The following MACROD2 variants were observed in gnomAD, a reference collection of about 807,000 sequenced individuals.
MACROD2 encodes the protein ADP-ribose glycohydrolase MACROD2.
Under a neutral mutation model 70.4 loss-of-function variants are expected in MACROD2, and 36 were observed. That is an observed-to-expected ratio of 0.51 (90% CI 0.39 to 0.68). The LOEUF is 0.68. MACROD2 is among the 30% of genes least tolerant of loss of function. The pLI, the probability that MACROD2 is intolerant of heterozygous loss-of-function variation, is 0.00. For missense variants in MACROD2, 496 were observed against 538.4 expected (o/e 0.92, Z 0.78); for synonymous variants, 172 against 178.8 (o/e 0.96, Z 0.30).
chr20:15,854,545 T>C (rs1369118395), intron 8 of MACROD2, among the ~76,000 whole-genome samples: 2 of 152,156 alleles, frequency 1.3e-5, no homozygotes, highest in African/African-American at 2.4e-5. Context: ...CCCAACTAGG[T>C]TGGGCCTGGA....
chr20:14,864,411 A>T (rs1452839784), intron 5 of MACROD2, among the ~76,000 whole-genome samples: 1 of 152,144 alleles, frequency 6.6e-6, no homozygotes, highest in Non-Finnish European at 1.5e-5. Flanking sequence ...ATATGGATTT[A>T]TAAATCAGTA....
intron 3 of MACROD2, among the ~76,000 whole-genome samples, chr20:14,141,428 A>T (rs926163979): frequency 6.6e-6 from 1 of 152,102 alleles, no homozygotes; most frequent in African/African-American, 2.4e-5. Flanking sequence ...AAGGAGATAC[A>T]CCTATAATGC....
chr20:14,713,546 G>A (rs746648954), intron 5 of MACROD2, among the ~76,000 whole-genome samples: 21 of 152,100 alleles, frequency 1.4e-4, no homozygotes, highest in Non-Finnish European at 2.5e-4. Flanking sequence ...AATAGATTAG[G>A]TGGAGTCCTC....
intron 2 of MACROD2, among the ~76,000 whole-genome samples, chr20:14,017,249 C>T (rs973705282): frequency 2.6e-5 from 4 of 152,084 alleles, no homozygotes; most frequent in African/African-American, 7.2e-5. Flanking sequence ...TCTGCATTTA[C>T]GATCATGTCA....
chr20:15,869,459 T>C (rs2064550009), intron 9 of MACROD2, among the ~76,000 whole-genome samples: 1 of 151,568 alleles, frequency 6.6e-6, no homozygotes, highest in Non-Finnish European at 1.5e-5. Context: ...CCCAATGTTC[T>C]TGACATAAAT....
chr20:14,688,098 C>T (rs150919366), intron 5 of MACROD2, among the ~76,000 whole-genome samples: 19 of 152,186 alleles, frequency 1.2e-4, no homozygotes, highest in Non-Finnish European at 2.2e-4. Flanking sequence ...AAAGGGAGCT[C>T]GTTACATACT....
intron 5 of MACROD2, among the ~76,000 whole-genome samples, chr20:15,114,094 G>A (rs896365262): frequency 1.3e-5 from 2 of 152,146 alleles, no homozygotes; most frequent in Non-Finnish European, 2.9e-5. Flanking sequence ...CTCACAGGGT[G>A]GAGAAGGCTG....
At chr20:14,635,867 G>T (rs1465186832) in intron 4 of MACROD2, among the ~76,000 whole-genome samples, 6 of 152,178 alleles carry the variant, frequency 3.9e-5, no homozygotes, top group Admixed American at 3.9e-4. Flanking sequence ...GGATAAAAAT[G>T]TGAGGATGTG....
chr20:15,197,955 G>A (rs1326055722), intron 5 of MACROD2, among the ~76,000 whole-genome samples: 1 of 115,090 alleles, frequency 8.7e-6, no homozygotes, highest in East Asian at 2.8e-4. Flanking sequence ...CCTTGGCCTG[G>A]CCTCCTTTTT....
intron 4 of MACROD2, among the ~76,000 whole-genome samples, chr20:14,614,003 C>G (rs1949949382): frequency 6.6e-6 from 1 of 152,032 alleles, no homozygotes; most frequent in African/African-American, 2.4e-5. Flanking sequence ...TTATTTCCAC[C>G]ATGGAGACCT....
intron 6 of MACROD2, among the ~76,000 whole-genome samples, chr20:15,300,094 G>C (rs2077627587): frequency 6.6e-6 from 1 of 151,940 alleles, no homozygotes; most frequent in South Asian, 2.1e-4. Context: ...AACTGAACTT[G>C]ATACGTAGGT....
Position 15,256,103 on chromosome 20 carries a change from G to T in MACROD2, c.540+26042G>T, listed in dbSNP as rs186523954. ...GAGCATCAGTTAGGTATCTATTTCT[G>T]CACTGGGAATCTTGAATTTATAAAT... On this transcript the variant is annotated intron_variant, in intron 6 of 17. Transcript: ENST00000684519. Among the ~76,000 whole-genome samples, 577 of 152,102 alleles carry T rather than the reference G, an allele frequency of 3.8e-3. 2 individuals are homozygous for T. The highest frequency in any genetic ancestry group is 0.025 in the South Asian group (121 of 4,818).
intron 5 of MACROD2, among the ~76,000 whole-genome samples, chr20:14,898,805 C>G (rs899607623): frequency 1.3e-5 from 2 of 152,118 alleles, no homozygotes; most frequent in African/African-American, 2.4e-5. Context: ...TGTACCAGTT[C>G]TCTAACTGCC....
intron 6 of MACROD2, among the ~76,000 whole-genome samples, chr20:15,291,216 C>G (rs115632419): frequency 0.014 from 2,060 of 152,248 alleles, 49 homozygotes; most frequent in African/African-American, 0.045. Flanking sequence ...CTTAGTTGCT[C>G]CATAAGGAGT....
intron 5 of MACROD2, among the ~76,000 whole-genome samples, chr20:15,153,744 G>T (rs189445902): frequency 6.6e-6 from 1 of 152,246 alleles, no homozygotes; most frequent in Admixed American, 6.5e-5. Context: ...TTAGGGTAGT[G>T]TCTCTATTGG....
chr20:15,616,257 C>A (rs1036161699), intron 8 of MACROD2, among the ~76,000 whole-genome samples: 1 of 151,922 alleles, frequency 6.6e-6, no homozygotes, highest in African/African-American at 2.4e-5. Flanking sequence ...GTGTATGCCA[C>A]GACACCCAGC....
intron 3 of MACROD2, among the ~76,000 whole-genome samples, chr20:14,230,652 T>TAA (rs1171919124): frequency 8.6e-5 from 3 of 34,796 alleles, no homozygotes; most frequent in African/African-American, 1.6e-4. Flanking sequence ...TATATATATA[T>TAA]ATAACACAGG....
At chr20:15,529,539 G>C (rs955363805) in intron 8 of MACROD2, among the ~76,000 whole-genome samples, 1 of 151,984 alleles carries the variant, frequency 6.6e-6, no homozygotes, top group African/African-American at 2.4e-5. Flanking sequence ...GTGGAGGATA[G>C]AGGCTTCTTT....
chr20:14,086,798 G>T (rs1057027611), intron 3 of MACROD2, among the ~76,000 whole-genome samples: 2 of 152,158 alleles, frequency 1.3e-5, no homozygotes, highest in African/African-American at 2.4e-5. Context: ...TTCTGGCCTT[G>T]TCATTGGTTG....
Sources: gnomAD v4.1 joint callset for allele counts (sites outside exome capture counted in the v4.1 genomes callset) on GRCh38, gnomAD v4.1.1 for gene constraint, MANE v1.5 for transcripts, NCBI Gene and HGNC (gene_info 2026-07-23, HGNC 2026-07-21) for gene names.